DNAAF10: variants seen among roughly 807,000 people sequenced by gnomAD.
DNAAF10 encodes WD repeat domain 92.
In DNAAF10, 28 loss-of-function variants were observed where a neutral mutation model predicts 43.7. That is an observed-to-expected ratio of 0.64 (90% CI 0.48 to 0.88). DNAAF10 has a LOEUF of 0.88. Ranked by LOEUF, DNAAF10 falls within the 40% of genes least tolerant of loss-of-function variation. The pLI, the probability that DNAAF10 is intolerant of heterozygous loss-of-function variation, is 0.00. For synonymous variants in DNAAF10, 156 were observed against 157.3 expected, an observed-to-expected ratio of 0.99 and a Z score of 0.06; for missense variants, 403 against 439.1, an observed-to-expected ratio of 0.92 and a Z score of 0.73.
At chr2:68,149,627 C>G (rs1673407011) in intron 1 of DNAAF10, among the ~76,000 whole-genome samples, 1 of 152,178 alleles carries the variant, frequency 6.6e-6, no homozygotes, top group South Asian at 2.1e-4. Context: ...TTATGTTTTC[C>G]TCACCATTCC....
chr2:68,141,923 C>T, intron 3 of DNAAF10, 128 bp from the exon 4 acceptor site: 1 of 748,418 alleles, frequency 1.3e-6, no homozygotes, highest in South Asian at 1.8e-5. Flanking sequence ...TGAAAATATC[C>T]ACATTGTTCT....
chr2:68,136,255 CA>C (rs1673041473), intron 6 of DNAAF10, among the ~76,000 whole-genome samples: 1 of 131,318 alleles, frequency 7.6e-6, no homozygotes, highest in African/African-American at 2.8e-5. Context: ...ACAAACAAAA[CA>C]AAAAACCAGA....
chr2:68,143,234 T>C (rs894005680), intron 3 of DNAAF10, among the ~76,000 whole-genome samples: 1 of 152,104 alleles, frequency 6.6e-6, no homozygotes, highest in African/African-American at 2.4e-5. Flanking sequence ...ATAGGATTCA[T>C]ACAAATTGAT....
In DNAAF10 at chr2:68,157,347, A is replaced by G. The variant is rs887636637; in HGVS notation, c.97T>C (p.Phe33Leu). ...CGTGCGAAGTTGCCCATGGTCACAA[A>G]TTTGGCGCTGCAGGGCACCCACTTA... ...DCKWVPCSAKFVTMGNFARGT... is the reference protein window; with the variant it reads ...DCKWVPCSAKLVTMGNFARGT... Residue 33 changes from phenylalanine to leucine, a missense_variant, in exon 1 of 8, where the codon TTT (phenylalanine) becomes CTT (leucine). Transcript: ENST00000295121. The G allele has an allele frequency of 1.9e-6, 3 of 1,614,128 alleles. No individual in the cohort carries two copies. The highest frequency in any genetic ancestry group is 1.7e-6 in the Non-Finnish European group (2 of 1,180,036).
chr2:68,156,398 A>G (rs1330298518), intron 1 of DNAAF10, among the ~76,000 whole-genome samples: 2 of 152,180 alleles, frequency 1.3e-5, no homozygotes, highest in African/African-American at 2.4e-5. Flanking sequence ...CTGATCTGAT[A>G]ATGACTGATC....
At chr2:68,151,247 T>C (rs554622893) in intron 1 of DNAAF10, among the ~76,000 whole-genome samples, 3 of 152,226 alleles carry the variant, frequency 2.0e-5, no homozygotes, top group African/African-American at 4.8e-5. Context: ...TCTCTACTAA[T>C]TCCAGCCACA....
At chr2:68,141,295 C>T (rs1673172741) in intron 4 of DNAAF10, among the ~76,000 whole-genome samples, 1 of 152,196 alleles carries the variant, frequency 6.6e-6, no homozygotes, top group African/African-American at 2.4e-5. Context: ...GGTTTATCCC[C>T]ATTAATGGTG....
chr2:68,142,765 A>G lies in DNAAF10; in HGVS notation c.416-970T>C, dbSNP rs185333533. Among the ~76,000 whole-genome samples, 34 of 150,488 alleles carry G rather than the reference A, an allele frequency of 2.3e-4. 1 individual carries two copies. The highest frequency in any genetic ancestry group is 2.1e-3 in the Admixed American group (32 of 15,166). The stretch of plus-strand genomic sequence containing the variant: ...ATGGCTAAAAGGCAAGTACCTGAGA[A>G]TAAGAAAAGGGCAAAAAAAAAAAAA... On this transcript the variant is annotated intron_variant, in intron 3 of 7. Coordinates refer to ENST00000295121, the MANE Select transcript of DNAAF10 (RefSeq NM_138458.4).
intron 1 of DNAAF10, among the ~76,000 whole-genome samples, chr2:68,153,146 T>C (rs1673495865): frequency 6.6e-6 from 1 of 152,056 alleles, no homozygotes; most frequent in African/African-American, 2.4e-5. Flanking sequence ...TAGCTCCCAC[T>C]TGAGCACTCA....
chr2:68,153,345 T>TAAAAAAAAAAAAAAAAAAAAAAAAA (rs775794947), intron 1 of DNAAF10, among the ~76,000 whole-genome samples: 1 of 98,750 alleles, frequency 1.0e-5, no homozygotes, highest in Non-Finnish European at 2.2e-5. Flanking sequence ...AGTGATAAAT[T>TAAAAAAAAAAAAAAAAAAAAAAAAA]AAAAAAAAAA....
chr2:68,141,654 C>T (rs769180010), intron 4 of DNAAF10, 40 bp downstream of exon 4: 2 of 1,581,880 alleles, frequency 1.3e-6, no homozygotes, highest in East Asian at 2.2e-5. Flanking sequence ...TGCTTTTTAC[C>T]ATCTGATAAT....
rs1673651128 is a variant in DNAAF10, at chr2:68,157,291, G to C, written c.153C>G (p.Ile51Met). The change falls in exon 1 of 8, where the codon ATC (isoleucine) becomes ATG (methionine). Residue 51 changes from isoleucine to methionine, a missense_variant. Transcript: ENST00000295121. ...GAAGCAGCTTCAGGTCCCCGTGCTG[G>C]ATCTCGTACAGCTGAATGACGCCGG... ...RGTGVIQLYE[I>M]QHGDLKLLRE... is the part of the protein sequence containing the mutation. 14 of 1,613,974 alleles carry C rather than the reference G, an allele frequency of 8.7e-6. No homozygotes were observed. Among genetic ancestry groups the C allele is most frequent in the Non-Finnish European group, 1.2e-5 (14 of 1,180,006 alleles).
Position 68,138,803 on chromosome 2 carries a change from T to G in DNAAF10, c.572A>C (p.Asp191Ala). The change falls in exon 5 of 8, where the codon GAT becomes GCT. Residue 191 changes from aspartate to alanine, a missense_variant. Physicochemically the swap from Asp to Ala is moderately radical, Grantham distance 126. Transcript: ENST00000295121. ...ATTTCTGAGATCAAATAGTTTGATATCCCCATTGTCATAGCCAGCACAAAC... is the reference window on the plus strand; with the variant it reads ...ATTTCTGAGATCAAATAGTTTGATAGCCCCATTGTCATAGCCAGCACAAAC... The part of the protein sequence containing the change: ...RVVCAGYDNG[D>A]IKLFDLRNMA... 1.2e-6 allele frequency: 2 copies of G among 1,614,182 alleles called. No homozygotes were observed.
chr2:68,150,396 TC>T (rs1673424567), intron 1 of DNAAF10, among the ~76,000 whole-genome samples: 1 of 152,160 alleles, frequency 6.6e-6, no homozygotes. Context: ...AAAATAATTT[TC>T]TTAGCTTGCC....
chr2:68,150,833 T>C (rs1024499472), intron 1 of DNAAF10, among the ~76,000 whole-genome samples: 1 of 151,730 alleles, frequency 6.6e-6, no homozygotes, highest in South Asian at 2.1e-4. Context: ...TCGGAATCTC[T>C]ATCTATTTAT....
At chr2:68,153,844 C>G (rs1411538342) in intron 1 of DNAAF10, among the ~76,000 whole-genome samples, 1 of 149,846 alleles carries the variant, frequency 6.7e-6, no homozygotes, top group African/African-American at 2.5e-5. Context: ...TTCTGCCTCC[C>G]GGGTTCAAGT....
At chr2:68,134,294 C>G (rs1672985663) in intron 7 of DNAAF10, 5 of 1,011,468 alleles carry the variant, frequency 4.9e-6, no homozygotes, top group Non-Finnish European at 4.7e-6. Flanking sequence ...GTGATAAGAT[C>G]TTTCCTGGAG....
chr2:68,144,528 T>C, intron 3 of DNAAF10, 57 bp downstream of exon 3: 1 of 1,595,544 alleles, frequency 6.3e-7, no homozygotes, highest in Non-Finnish European at 8.5e-7. Flanking sequence ...GATGTACTGC[T>C]GCATAGAGAT....
At chr2:68,131,592 C>A (rs1672932889) in intron 7 of DNAAF10, 147 bp from the exon 8 acceptor site, 1 of 782,412 alleles carries the variant, frequency 1.3e-6, no homozygotes, top group African/African-American at 1.7e-5. Context: ...GAGTTGTTTG[C>A]AAATAAAGAG....
Sources: allele counts gnomAD v4.1 joint callset (sites outside exome capture counted in the v4.1 genomes callset), GRCh38; gene constraint gnomAD v4.1.1; transcripts MANE v1.5; gene names NCBI Gene and HGNC (gene_info 2026-07-23, HGNC 2026-07-21).